The following TSNAXIP1 variants were observed in gnomAD, a reference collection of about 807,000 sequenced individuals.
TSNAXIP1 encodes translin associated factor X interacting protein 1, also known as translin-associated factor X-interacting protein 1.
Under a neutral mutation model 84.8 loss-of-function variants are expected in TSNAXIP1, and 89 were observed. That is an observed-to-expected ratio of 1.05 (90% CI 0.88 to 1.25). The LOEUF (loss-of-function observed/expected upper bound fraction) is 1.25. TSNAXIP1 is among the 50% of genes most tolerant of loss of function. The pLI is 0.00. For missense variants in TSNAXIP1, 874 were observed against 887.6 expected (o/e 0.98, Z 0.20); for synonymous variants, 347 against 335.2 (o/e 1.04, Z -0.39).
rs548407646 is a variant in TSNAXIP1 at position 67,826,569 on chromosome 16, T to C, written c.1401+7T>C. On this transcript the variant is annotated splice_region_variant and intron_variant, in intron 11 of 15. Transcript: ENST00000561639. ...ACGTCTTGCTGAGGAGCAGGTCAGATCTCACCAGCCACTCTGGCCCAGCAT... is the reference window on the plus strand; with the variant it reads ...ACGTCTTGCTGAGGAGCAGGTCAGACCTCACCAGCCACTCTGGCCCAGCAT... 1 of 1,614,058 alleles carries C rather than the reference T, an allele frequency of 6.2e-7. No individual in the cohort carries two copies. Among genetic ancestry groups the C allele is most frequent in the Non-Finnish European group, 8.5e-7 (1 of 1,179,976 alleles).
At position 67,826,048 on chromosome 16, in the gene TSNAXIP1, G is replaced by A. The variant is rs564870820; in HGVS notation, c.1116G>A (p.Thr372=). ...TGCAGGAGATCCAGCGCACTTCCAC[G>A]CCGCGGCCTGACTGGACCAAGTGCA... ...SELQEIQRTS[T]PRPDWTKCKD... Residue 372 remains threonine (T), a synonymous_variant, in exon 9 of 16, where the codon ACG becomes ACA. Transcript: ENST00000561639. The A allele has an allele frequency of 2.5e-6, 4 of 1,613,642 alleles. No individual in the cohort carries two copies. The highest frequency in any genetic ancestry group is 2.2e-5 in the South Asian group (2 of 91,086).
At position 67,807,010 on chromosome 16, in the gene TSNAXIP1, C is replaced by T. The variant is rs963212199; in HGVS notation, c.-140C>T. The T allele has an allele frequency of 6.5e-6, 9 of 1,375,982 alleles. No individual in the cohort carries two copies. In the African/African-American group the frequency reaches 1.3e-4, roughly 20 times the overall value. The allele number at this position is 1,375,982 out of a possible 1,614,324, so 85.2% of individuals were successfully genotyped here. A position where few individuals can be genotyped will look rare whatever the true frequency, so the allele number is the denominator to read the frequency against. ...TTGTCCTACTCCCAGCCCGCGGGCG[C>T]TAGGCTCGGGGGCGTGGCGCATCCC... On this transcript the variant is annotated 5_prime_UTR_variant, in exon 1 of 16. Coordinates refer to ENST00000561639, the MANE Select transcript of TSNAXIP1 (RefSeq NM_001288990.3).
intron 2 of TSNAXIP1, among the ~76,000 whole-genome samples, chr16:67,816,535 G>A (rs964379542): frequency 6.6e-6 from 1 of 152,140 alleles, no homozygotes; most frequent in Non-Finnish European, 1.5e-5. Flanking sequence ...CTCCAGGGAG[G>A]AGAAAGGAGG....
chr16:67,819,532 C>T (rs1475416981), intron 2 of TSNAXIP1, among the ~76,000 whole-genome samples: 1 of 152,100 alleles, frequency 6.6e-6, no homozygotes, highest in South Asian at 2.1e-4. Context: ...TCTTGGCCTC[C>T]CAAACTGCTG....
Position 67,807,195 on chromosome 16 carries a change from A to C in TSNAXIP1, c.46A>C (p.Arg16=). The C allele has an allele frequency of 6.5e-7, 1 of 1,535,914 alleles. No homozygotes were observed. Among genetic ancestry groups the C allele is most frequent in the Non-Finnish European group, 8.7e-7 (1 of 1,146,840 alleles). The part of the protein sequence containing the change: ...SRYHSFSSAS[R]LQPRPSGVTI... The stretch of plus-strand genomic sequence containing the variant: ...GTACCACAGCTTCTCGTCCGCGTCG[A>C]GGTAGGCGCTGGCAGGGATGAGGGC... The change falls in exon 1 of 16, where the codon AGA becomes CGA. Residue 16 remains arginine, a splice_region_variant and synonymous_variant. Coordinates refer to ENST00000561639, the MANE Select transcript of TSNAXIP1 (RefSeq NM_001288990.3).
intron 4 of TSNAXIP1, 45 bp downstream of exon 4, chr16:67,821,270 G>GCGGGGGGGC: frequency 1.1e-6 from 1 of 874,342 alleles, no homozygotes; most frequent in Non-Finnish European, 1.8e-6. Context: ...GGAAGGGTGG[G>GCGGGGGGGC]AAGAAGCTTC....
intron 13 of TSNAXIP1, 30 bp downstream of exon 13, chr16:67,827,102 T>G (rs770548011): frequency 1.9e-6 from 3 of 1,610,916 alleles, no homozygotes; most frequent in Non-Finnish European, 2.5e-6. Context: ...TACCCCCAAC[T>G]CCTACCCAAC....
At position 67,827,364 on chromosome 16, in the gene TSNAXIP1, C is replaced by T. The variant is rs764129647; in HGVS notation, c.1780C>T (p.Leu594=). The change falls in exon 14 of 16, where the codon CTG becomes TTG. Residue 594 remains leucine, a synonymous_variant. Coordinates refer to ENST00000561639, the MANE Select transcript of TSNAXIP1 (RefSeq NM_001288990.3). ...TGCAGACTTGCTCAACTACCGCTCA[C>T]TGTTTATGGAGGTGGGTGTGTGGGG... The part of the protein sequence containing the change: ...SNADLLNYRS[L]FMEDEEGQSE... 3.7e-6 allele frequency: 6 copies of T among 1,614,224 alleles called. No individual in the cohort carries two copies. Among genetic ancestry groups the T allele is most frequent in the Admixed American group, 1.7e-5 (1 of 60,028 alleles).
Position 67,825,315 on chromosome 16 carries a change from G to A in TSNAXIP1, c.814+43G>A, listed in dbSNP as rs777050957. On this transcript the variant is annotated intron_variant, in intron 7 of 15. Coordinates refer to ENST00000561639, the MANE Select transcript of TSNAXIP1 (RefSeq NM_001288990.3). ...ATCGGGTTTCTCTCTTCTCTGAGAC[G>A]CTGGAAGACTCTGGTCTCACCCCTA... 21 of 1,609,038 alleles carry A rather than the reference G, an allele frequency of 1.3e-5. No homozygotes were observed. The East Asian group carries it at 2.9e-4, about 22-fold the overall frequency.
chr16:67,824,631 T>C lies in TSNAXIP1; in HGVS notation c.530T>C (p.Leu177Pro). Residue 177 changes from leucine (L) to proline (P), a missense_variant, in exon 6 of 16, where the codon CTT (leucine) becomes CCT (proline). Coordinates refer to ENST00000561639, the MANE Select transcript of TSNAXIP1 (RefSeq NM_001288990.3). ...GCTCTGGAGCCCCTGAAGGCCAAGCTTGTCACTGTGAATGAGGACTGCAAT... is the reference window on the plus strand; with the variant it reads ...GCTCTGGAGCCCCTGAAGGCCAAGCCTGTCACTGTGAATGAGGACTGCAAT... ...IRALEPLKAK[L>P]VTVNEDCNER... is the part of the protein sequence containing the mutation. 1.2e-6 allele frequency: 2 copies of C among 1,614,110 alleles called. No individual in the cohort carries two copies. Among genetic ancestry groups the C allele is most frequent in the Non-Finnish European group, 8.5e-7 (1 of 1,179,988 alleles).
In TSNAXIP1 at chr16:67,808,739, C is replaced by T. The variant is rs1390704527; in HGVS notation, c.47+1543C>T. Among the ~76,000 whole-genome samples, 8 of 150,248 alleles carry T rather than the reference C, an allele frequency of 5.3e-5. No individual in the cohort carries two copies. In the East Asian group the frequency reaches 9.8e-4, roughly 18 times the overall value. On this transcript the variant is annotated intron_variant, in intron 1 of 15. Transcript: ENST00000561639. ...TAGCCTGGGCGACAGAGTGAGACTC[C>T]GTCTCAAAAAAAGAAAAAAGAAAAA...
chr16:67,816,555 G>A (rs2056566352), intron 2 of TSNAXIP1, among the ~76,000 whole-genome samples: 1 of 152,124 alleles, frequency 6.6e-6, no homozygotes, highest in Non-Finnish European at 1.5e-5. Flanking sequence ...GGGTCAGTAT[G>A]GATTATTCGC....
At position 67,827,737 on chromosome 16, in the gene TSNAXIP1, C is replaced by T. The variant is rs1276989420; in HGVS notation, c.1899-16C>T. On this transcript the variant is annotated splice_polypyrimidine_tract_variant and intron_variant, in intron 15 of 15. Transcript: ENST00000561639. Reference sequence around the variant, plus strand: ...AGGAGGGGTCAGGGCCTGTCACTCTCTTTCCTGTGGGGCAGCCATGAGGAA... The same window carrying T: ...AGGAGGGGTCAGGGCCTGTCACTCTTTTTCCTGTGGGGCAGCCATGAGGAA... The T allele has an allele frequency of 3.7e-6, 6 of 1,613,570 alleles. No homozygotes were observed. The highest frequency in any genetic ancestry group is 5.1e-6 in the Non-Finnish European group (6 of 1,179,992).
rs1253664551 is a variant in TSNAXIP1, at chr16:67,827,392, C to T, written c.1791+17C>T. ...TTTATGGAGGTGGGTGTGTGGGGTC[C>T]GGGGACTGGCCTGGCCCCTGCCCTA... On this transcript the variant is annotated intron_variant, in intron 14 of 15. Coordinates refer to ENST00000561639, the MANE Select transcript of TSNAXIP1 (RefSeq NM_001288990.3). 12 of 1,613,898 alleles carry T rather than the reference C, an allele frequency of 7.4e-6. No individual in the cohort carries two copies. Among genetic ancestry groups the T allele is most frequent in the East Asian group, 4.5e-5 (2 of 44,880 alleles).
intron 2 of TSNAXIP1, among the ~76,000 whole-genome samples, chr16:67,816,988 A>G (rs909799927): frequency 1.3e-5 from 2 of 149,826 alleles, no homozygotes; most frequent in African/African-American, 4.9e-5. Context: ...ATTTTTTGAG[A>G]CGGAGCCTCG....
chr16:67,812,752 G>C (rs1597998435), intron 1 of TSNAXIP1, among the ~76,000 whole-genome samples: 1 of 151,986 alleles, frequency 6.6e-6, no homozygotes, highest in East Asian at 1.9e-4. Flanking sequence ...GATCACCTGA[G>C]GTCAGGAGTT....
At position 67,823,679 on chromosome 16, in the gene TSNAXIP1, A is replaced by G. The variant is rs2057232852; in HGVS notation, c.441A>G (p.Pro147=). 6.2e-7 allele frequency: 1 copy of G among 1,613,770 alleles called. No individual in the cohort carries two copies. The highest frequency in any genetic ancestry group is 1.3e-5 in the African/African-American group (1 of 74,876). Residue 147 remains proline (P), a synonymous_variant, in exon 5 of 16, where the codon CCA becomes CCG. Coordinates refer to ENST00000561639, the MANE Select transcript of TSNAXIP1 (RefSeq NM_001288990.3). The stretch of plus-strand genomic sequence containing the variant: ...TAGAGGACTTCAAAACGTACAAGCC[A>G]TTACTATCCTCCATCAAGAATGCGT... ...FFIEDFKTYK[P]LLSSIKNAYE... is the part of the protein sequence containing the mutation.
At chr16:67,826,606 CCA>C (rs1229344869) in intron 11 of TSNAXIP1, 44 bp downstream of exon 11, 3 of 1,613,328 alleles carry the variant, frequency 1.9e-6, no homozygotes, top group Non-Finnish European at 2.5e-6. Flanking sequence ...GTCTTCAGAT[CCA>C]GAGTCCTCTG....
intron 5 of TSNAXIP1, among the ~76,000 whole-genome samples, chr16:67,824,018 C>CA (rs10674785): frequency 0.68 from 60,864 of 89,062 alleles, 21,744 homozygotes; most frequent in East Asian, 0.94. Flanking sequence ...GACTCCATCG[C>CA]AAAAAAAAAA....
Sources: allele counts gnomAD v4.1 joint callset (sites outside exome capture counted in the v4.1 genomes callset), GRCh38; gene constraint gnomAD v4.1.1; transcripts MANE v1.5; gene names NCBI Gene and HGNC (gene_info 2026-07-23, HGNC 2026-07-21).